WDR45: variants seen among roughly 807,000 people sequenced by gnomAD.
WDR45 encodes the protein WD repeat domain phosphoinositide-interacting protein 4.
In WDR45, 2 loss-of-function variants were observed where a neutral mutation model predicts 27.3. That is an observed-to-expected ratio of 0.07 (90% CI 0.03 to 0.23). The LOEUF is 0.23. Among genes scored for constraint, WDR45 ranks in the 10% least tolerant of loss-of-function variants. WDR45 has a pLI of 1.00. For synonymous variants in WDR45, 99 were observed against 119.2 expected, an observed-to-expected ratio of 0.83 and a Z score of 1.11; for missense variants, 175 against 311.9, an observed-to-expected ratio of 0.56 and a Z score of 3.31.
In WDR45 at chrX:49,074,819, T is replaced by A; in HGVS notation, c.1067A>T (p.Asp356Val). The A allele has an allele frequency of 1.7e-6, 2 of 1,209,962 alleles. No individual in the cohort carries two copies. The highest frequency in any genetic ancestry group is 2.2e-6 in the Non-Finnish European group (2 of 894,144). ...EAFDVYLDIC[D>V]DDDF ...CCAGGGTCCTTAAAAGTCATCATCA[T>A]CACAGATGTCAAGGTACACGTCGAA... Residue 356 changes from aspartate to valine, a missense_variant, in exon 11 of 11, where the codon GAT (aspartate) becomes GTT (valine). Asp to Val is a radical substitution (Grantham distance 152). Around this residue, in one of 3 missense-constraint regions of WDR45, gnomAD observed 71 missense variants for 123.0 expected, o/e 0.58. Coordinates refer to ENST00000376372, the MANE Select transcript of WDR45 (RefSeq NM_001029896.2).
In WDR45 at chrX:49,075,371, G is replaced by A. The variant is rs782031811; in HGVS notation, c.820C>T (p.Arg274Cys). ...TGGGGAGGGGGTACTCACGCGGAGC[G>A]GCGGTTGAGGCGGGTATCCTTGAGA... Reference protein sequence around the residue: ...FALKDTRLNRRSALARVGKVG... With the variant: ...FALKDTRLNRCSALARVGKVG... The change falls in exon 9 of 11, where the codon CGC becomes TGC. Residue 274 changes from arginine (R) to cysteine (C), a missense_variant. Physicochemically the swap from Arg to Cys is radical, Grantham distance 180. Transcript: ENST00000376372. 8.3e-7 allele frequency: 1 copy of A among 1,205,096 alleles called. No homozygotes were observed. The highest frequency in any genetic ancestry group is 1.1e-6 in the Non-Finnish European group (1 of 891,410).
intron 4 of WDR45, 93 bp from the exon 5 acceptor site, chrX:49,076,843 C>T (rs983618032): frequency 1.4e-5 from 10 of 713,115 alleles, no homozygotes; most frequent in Non-Finnish European, 1.9e-5. Context: ...CCAGGGACCT[C>T]AACCTACTTG....
chrX:49,090,074 T>G (rs1355189373), intron 2 of WDR45, among the ~76,000 whole-genome samples: 2 of 108,743 alleles, frequency 1.8e-5, no homozygotes, highest in Non-Finnish European at 3.8e-5. Flanking sequence ...GAATAAAGGT[T>G]TTTTTTTTTG....
chrX:49,075,704 T>C lies in WDR45; in HGVS notation c.566A>G (p.Asn189Ser), dbSNP rs374078317. 1.7e-4 allele frequency: 205 copies of C among 1,208,659 alleles called. No homozygotes were observed. Among genetic ancestry groups the C allele is most frequent in the Non-Finnish European group, 2.1e-4 (190 of 894,679 alleles). ...ACAGGCTATGTCACTCTGATGTGCA[T>C]TGATCGTGAATGGAGCAGACGAGGT... ...PGTSSAPFTI[N>S]AHQSDIACVS... The change falls in exon 8 of 11, where the codon AAT (asparagine) becomes AGT (serine). Residue 189 changes from asparagine (N) to serine (S), a missense_variant. Asn to Ser is a conservative substitution (Grantham distance 46, BLOSUM62 1). Around this residue, in one of 3 missense-constraint regions of WDR45, gnomAD observed 102 missense variants for 165.4 expected, o/e 0.62. Coordinates refer to ENST00000376372, the MANE Select transcript of WDR45 (RefSeq NM_001029896.2).
chrX:49,092,373 C>G (rs2065110621), intron 2 of WDR45, among the ~76,000 whole-genome samples: 1 of 108,123 alleles, frequency 9.2e-6, no homozygotes, highest in Non-Finnish European at 1.9e-5. Flanking sequence ...TTTTTCAAAA[C>G]AAATACCTAA....
Position 49,077,852 on chromosome X carries a change from C to T in WDR45, c.115G>A (p.Glu39Lys), listed in dbSNP as rs2065046905. 8.3e-7 allele frequency: 1 copy of T among 1,210,509 alleles called. No individual in the cohort carries two copies. The highest frequency in any genetic ancestry group is 2.2e-5 in the Admixed American group (1 of 45,824). The change falls in exon 3 of 11, where the codon GAG becomes AAG. Residue 39 changes from glutamate to lysine, a missense_variant. This residue lies in a region of WDR45 where 102 missense variants were observed against 165.4 expected (regional missense o/e 0.62). Coordinates refer to ENST00000376372, the MANE Select transcript of WDR45 (RefSeq NM_001029896.2). ...VRIYNVEPLM[E>K]KGHLDHEQVG... ...AACAGCTCACCCAGATGCCCCTTCT[C>T]CATCAAGGGCTCCACGTTGTAGATG...
intron 1 of WDR45, 141 bp from the exon 2 acceptor site, chrX:49,078,253 G>A (rs2065049314): frequency 5.2e-6 from 3 of 578,520 alleles, no homozygotes. Flanking sequence ...CAGGCGTGGT[G>A]GCTTATGCCT....
upstream of WDR45, among the ~76,000 whole-genome samples, chrX:49,083,297 C>T (rs1419423040): frequency 3.8e-5 from 4 of 106,656 alleles, no homozygotes; most frequent in Admixed American, 4.0e-4. Context: ...CAGGCTTGAG[C>T]TACCACGCCC....
upstream of WDR45, among the ~76,000 whole-genome samples, chrX:49,084,058 T>C (rs1362688245): frequency 2.0e-5 from 2 of 100,374 alleles, no homozygotes; most frequent in Non-Finnish European, 4.1e-5. Context: ...TTTTTCTTTT[T>C]TTTTTTTTTT....
At chrX:49,081,159 G>GC (rs1189351927), upstream of WDR45, among the ~76,000 whole-genome samples, 1 of 106,990 alleles carries the variant, frequency 9.3e-6, no homozygotes, top group Non-Finnish European at 1.9e-5. Flanking sequence ...GCCTGCCTCG[G>GC]CCCCCCAAAG....
intron 2 of WDR45, among the ~76,000 whole-genome samples, chrX:49,091,377 G>GT (rs1415173287): frequency 9.0e-6 from 1 of 111,036 alleles, no homozygotes; most frequent in East Asian, 2.9e-4. Flanking sequence ...GGAGGTGGAG[G>GT]TTGCAGTGAG....
chrX:49,095,759 CT>C (rs1204267334), intron 2 of WDR45, among the ~76,000 whole-genome samples: 20 of 26,151 alleles, frequency 7.6e-4, no homozygotes, highest in African/African-American at 3.1e-3. Flanking sequence ...CGTGCCCGGC[CT>C]TTTTTTTTTT....
At chrX:49,083,853 G>C (rs923345480), upstream of WDR45, among the ~76,000 whole-genome samples, 9 of 102,998 alleles carry the variant, frequency 8.7e-5, no homozygotes, top group Non-Finnish European at 1.4e-4. Context: ...AGGCTGAGGC[G>C]GGAGAATCGC....
rs936372781 is a variant in WDR45 at position 49,090,705 on chromosome X, T to G, written c.-18+9500A>C. Among the ~76,000 whole-genome samples, 16 of 96,179 alleles carry G rather than the reference T, an allele frequency of 1.7e-4. No individual in the cohort carries two copies. In the East Asian group the frequency reaches 5.2e-3, roughly 31 times the overall value. The allele number at this position is 96,179 out of a possible 115,157, so 83.5% of individuals were successfully genotyped here. On this transcript the variant is annotated intron_variant, in intron 2 of 11. Coordinates refer to the WDR45 transcript ENST00000356463. The stretch of plus-strand genomic sequence containing the variant: ...GGCACCCGCCACCATGCCCAGCTAA[T>G]TTTTATATTTTTAACATGGGCAGAG...
chrX:49,081,302 A>G (rs2065066007), upstream of WDR45, among the ~76,000 whole-genome samples: 1 of 107,207 alleles, frequency 9.3e-6, no homozygotes, highest in African/African-American at 3.3e-5. Flanking sequence ...AGGCCGAAGC[A>G]GGCAGATCAT....
Position 49,077,715 on chromosome X carries a change from C to A in WDR45, c.163G>T (p.Glu55Ter). The A allele has an allele frequency of 8.3e-7, 1 of 1,200,059 alleles. No individual in the cohort carries two copies. Among genetic ancestry groups the A allele is most frequent in the East Asian group, 3.0e-5 (1 of 33,179 alleles). Reference sequence around the variant, plus strand: ...AGAAGGTTGGAGCGGTGCAGCATCTCCACCAAGCCCATGCTGCCCACCTGC... The same window carrying A: ...AGAAGGTTGGAGCGGTGCAGCATCTACACCAAGCCCATGCTGCCCACCTGC... ...HEQVGSMGLV[E>*]MLHRSNLLAL... Residue 55 changes from glutamate (E) to a stop codon, truncating the protein, a stop_gained, in exon 4 of 11, where the codon GAG becomes TAG. Transcript: ENST00000376372. LOFTEE classifies it high-confidence loss of function.
chrX:49,076,776 G>A (rs2065040559), intron 4 of WDR45, 26 bp from the exon 5 acceptor site: 1 of 1,158,478 alleles, frequency 8.6e-7, no homozygotes, highest in Non-Finnish European at 1.2e-6. Context: ...GTGGGTTGTC[G>A]GGGCCAAGGT....
At chrX:49,081,378 AAGTT>A (rs1483049972), upstream of WDR45, among the ~76,000 whole-genome samples, 3 of 107,390 alleles carry the variant, frequency 2.8e-5, no homozygotes, top group East Asian at 9.0e-4. Context: ...AAAATACAAA[AAGTT>A]AGCCAGGCAT....
At chrX:49,086,053 CA>C in intron 2 of WDR45, among the ~76,000 whole-genome samples, 1 of 111,357 alleles carries the variant, frequency 9.0e-6, no homozygotes, top group Admixed American at 9.6e-5. Flanking sequence ...ACCCAAAACA[CA>C]AATATCTAAG....
Sources: allele counts gnomAD v4.1 joint callset (sites outside exome capture counted in the v4.1 genomes callset), GRCh38; gene constraint gnomAD v4.1.1; regional missense constraint gnomAD v4.1.1; transcripts MANE v1.5; gene names NCBI Gene and HGNC (gene_info 2026-07-23, HGNC 2026-07-21).